The following IL1RAPL1 variants were observed in gnomAD, a reference collection of about 807,000 sequenced individuals.
IL1RAPL1 encodes the protein interleukin 1 receptor accessory protein like 1.
In IL1RAPL1, 3 loss-of-function variants were observed where a neutral mutation model predicts 48.4. The observed-to-expected ratio is 0.06, with a 90% CI of 0.03 to 0.16. IL1RAPL1 has a LOEUF of 0.16. Among genes scored for constraint, IL1RAPL1 ranks in the 10% least tolerant of loss-of-function variants. The pLI is 1.00. For missense variants in IL1RAPL1, 349 were observed against 530.6 expected, an observed-to-expected ratio of 0.66 and a Z score of 3.36; for synonymous variants, 185 against 187.7, an observed-to-expected ratio of 0.99 and a Z score of 0.12.
chrX:28,887,444 T>C (rs1922662106), intron 2 of IL1RAPL1, among the ~76,000 whole-genome samples: 1 of 112,289 alleles, frequency 8.9e-6, no homozygotes, highest in African/African-American at 3.2e-5. Flanking sequence ...AAGGAATACC[T>C]AAGCACATGC....
intron 5 of IL1RAPL1, among the ~76,000 whole-genome samples, chrX:29,649,578 T>C (rs1030792462): frequency 9.0e-6 from 1 of 111,125 alleles, no homozygotes; most frequent in African/African-American, 3.3e-5. Flanking sequence ...ACAAATTAGG[T>C]ATAGAAATTA....
intron 6 of IL1RAPL1, among the ~76,000 whole-genome samples, chrX:29,835,216 T>C (rs1930967122): frequency 9.0e-6 from 1 of 110,519 alleles, no homozygotes; most frequent in South Asian, 3.7e-4. Flanking sequence ...TAAGAGCCTT[T>C]AGAGGGTTCT....
intron 5 of IL1RAPL1, among the ~76,000 whole-genome samples, chrX:29,599,406 T>G (rs930500420): frequency 8.9e-6 from 1 of 112,224 alleles, no homozygotes; most frequent in Non-Finnish European, 1.9e-5. Flanking sequence ...CTAATAGGTT[T>G]TCCTTTATAG....
intron 6 of IL1RAPL1, among the ~76,000 whole-genome samples, chrX:29,752,930 C>T (rs1928526559): frequency 8.9e-6 from 1 of 111,908 alleles, no homozygotes; most frequent in South Asian, 3.7e-4. Flanking sequence ...ATCAATGTGT[C>T]CAATATATTT....
At chrX:29,448,037 C>T (rs934455544) in intron 5 of IL1RAPL1, among the ~76,000 whole-genome samples, 2 of 111,482 alleles carry the variant, frequency 1.8e-5, no homozygotes, top group East Asian at 5.6e-4. Context: ...CAGTAAGGGG[C>T]CAGGATGGTT....
intron 2 of IL1RAPL1, among the ~76,000 whole-genome samples, chrX:29,106,637 C>A (rs1033707320): frequency 9.0e-6 from 1 of 110,680 alleles, no homozygotes; most frequent in African/African-American, 3.3e-5. Flanking sequence ...TAATATTTCC[C>A]TTTGTATGTA....
chrX:28,668,123 C>T (rs984766731), intron 1 of IL1RAPL1, among the ~76,000 whole-genome samples: 4 of 111,669 alleles, frequency 3.6e-5, no homozygotes, highest in African/African-American at 3.2e-5. Flanking sequence ...ATTGCAATTA[C>T]CCTTTTTTTA....
At chrX:29,136,647 G>A (rs140176227) in intron 2 of IL1RAPL1, among the ~76,000 whole-genome samples, 171 of 111,229 alleles carry the variant, frequency 1.5e-3, no homozygotes, top group African/African-American at 5.4e-3. Flanking sequence ...CAGGTGTGAC[G>A]CACTGCACCC....
At chrX:29,607,041 T>C (rs1490976941) in intron 5 of IL1RAPL1, among the ~76,000 whole-genome samples, 3 of 112,017 alleles carry the variant, frequency 2.7e-5, no homozygotes, top group Admixed American at 9.5e-5. Context: ...AGGAAGAAAT[T>C]CAGAAAATAA....
chrX:28,643,501 G>A (rs1934572323), intron 1 of IL1RAPL1, among the ~76,000 whole-genome samples: 1 of 110,941 alleles, frequency 9.0e-6, no homozygotes, highest in African/African-American at 3.3e-5. Flanking sequence ...TGAATAGCAG[G>A]TGGTAAGGAT....
In IL1RAPL1 at chrX:29,112,793, G is replaced by GTT. The variant is rs774106013; in HGVS notation, c.83-170125_83-170124dup. On this transcript the variant is annotated intron_variant, in intron 2 of 10. Transcript: ENST00000378993. ...GGGTAGAGAAGGCATGTCAACTTTG[G>GTT]TTTTTTTTTTTTTTTTTTTTTCCTG... is the stretch of plus-strand genomic sequence containing the variant. Among the ~76,000 whole-genome samples, 386 of 71,242 alleles carry GTT rather than the reference G, an allele frequency of 5.4e-3. 7 individuals carry two copies. Among genetic ancestry groups the GTT allele is most frequent in the African/African-American group, 0.017 (279 of 16,522 alleles). The allele number at this position is 71,242 out of a possible 115,157, so 61.9% of individuals were successfully genotyped here.
chrX:29,747,632 A>G (rs1046794040), intron 6 of IL1RAPL1, among the ~76,000 whole-genome samples: 2 of 112,448 alleles, frequency 1.8e-5, no homozygotes, highest in African/African-American at 6.4e-5. Context: ...GGTCTAGGTT[A>G]TCTTTTGGAA....
intron 6 of IL1RAPL1, among the ~76,000 whole-genome samples, chrX:29,720,308 G>A (rs779805389): frequency 8.9e-6 from 1 of 112,048 alleles, no homozygotes; most frequent in Admixed American, 9.5e-5. Context: ...GCACATGTAT[G>A]TTTACTGCAG....
At chrX:29,479,414 C>CAAAAAAAAAGAAAAAAAAAA (rs1935012770) in intron 5 of IL1RAPL1, among the ~76,000 whole-genome samples, 1 of 42,506 alleles carries the variant, frequency 2.4e-5, no homozygotes, top group African/African-American at 9.6e-5. Flanking sequence ...GACCCTGTCT[C>CAAAAAAAAAGAAAAAAAAAA]AAAAAAAAAA....
intron 6 of IL1RAPL1, among the ~76,000 whole-genome samples, chrX:29,745,547 AG>A (rs745917286): frequency 5.1e-5 from 5 of 98,547 alleles, no homozygotes; most frequent in Non-Finnish European, 5.9e-5. Context: ...CCTGGGTTCA[AG>A]CAATTCTTCG....
chrX:29,178,615 C>T (rs2147518863), intron 2 of IL1RAPL1, among the ~76,000 whole-genome samples: 1 of 111,868 alleles, frequency 8.9e-6, no homozygotes, highest in East Asian at 2.8e-4. Context: ...TCCCATTTGT[C>T]AATTTTGCCT....
chrX:29,385,609 C>A (rs1933766460), intron 3 of IL1RAPL1, among the ~76,000 whole-genome samples: 1 of 112,661 alleles, frequency 8.9e-6, no homozygotes, highest in African/African-American at 3.2e-5. Flanking sequence ...CAATATTTAT[C>A]CTTTTGTGAC....
chrX:29,288,049 T>G (rs1292596508), intron 3 of IL1RAPL1, among the ~76,000 whole-genome samples: 1 of 112,346 alleles, frequency 8.9e-6, no homozygotes, highest in Non-Finnish European at 1.9e-5. Flanking sequence ...AAAAATTCAG[T>G]TGCTTTACAT....
intron 6 of IL1RAPL1, among the ~76,000 whole-genome samples, chrX:29,803,141 GTA>G (rs780697935): frequency 1.2e-4 from 11 of 88,251 alleles, no homozygotes; most frequent in East Asian, 3.7e-4. Flanking sequence ...ATGCATATAT[GTA>G]TATATGTGTA....
Sources: gnomAD v4.1 joint callset for allele counts (sites outside exome capture counted in the v4.1 genomes callset) on GRCh38, gnomAD v4.1.1 for gene constraint, MANE v1.5 for transcripts, NCBI Gene and HGNC (gene_info 2026-07-23, HGNC 2026-07-21) for gene names.